BBC3: variants seen among roughly 807,000 people sequenced by gnomAD.
BBC3 encodes BCL2 binding component 3.
In BBC3, 5 loss-of-function variants were observed where a neutral mutation model predicts 18.2. The ratio of observed to expected loss-of-function variants is 0.27; its 90% confidence interval spans 0.14 to 0.58. BBC3 has a LOEUF of 0.58. Among genes scored for constraint, BBC3 ranks in the 20% least tolerant of loss-of-function variants. The pLI is 0.91. For missense variants in BBC3, 224 were observed against 268.9 expected (o/e 0.83, Z 1.17); for synonymous variants, 119 against 128.0 (o/e 0.93, Z 0.47).
At position 47,228,242 on chromosome 19, in the gene BBC3, C is replaced by A; in HGVS notation, c.190G>T (p.Ala64Ser). The A allele has an allele frequency of 1.5e-6, 1 of 663,966 alleles. No individual in the cohort carries two copies. Among genetic ancestry groups the A allele is most frequent in the African/African-American group, 3.1e-5 (1 of 32,432 alleles). 41.1% of individuals were successfully genotyped at this position (663,966 alleles called of 1,614,324 possible). A position where few individuals can be genotyped will look rare whatever the true frequency, so the allele number is the denominator to read the frequency against. Reference protein sequence around the residue: ...LPAAYLCAPTAPPAVTAALGG... With the variant: ...LPAAYLCAPTSPPAVTAALGG... ...AGGGCGGCGGTGACGGCGGGTGGGGCGGTGGGGGCGCAGAGGTAGGCAGCG... is the reference window on the plus strand; with the variant it reads ...AGGGCGGCGGTGACGGCGGGTGGGGAGGTGGGGGCGCAGAGGTAGGCAGCG... Residue 64 changes from alanine (A) to serine (S), a missense_variant, in exon 2 of 4, where the codon GCC becomes TCC. By Grantham distance (99) the Ala-to-Ser change is moderately conservative (BLOSUM62 1). Coordinates refer to ENST00000439096, the MANE Select transcript of BBC3 (RefSeq NM_014417.5). The surrounding 1 kb of genome is among the most constrained non-coding windows in gnomAD (Gnocchi z 5.5).
In BBC3 at chr19:47,221,550, C is replaced by G; in HGVS notation, c.*252G>C. The G allele has an allele frequency of 1.4e-6, 1 of 703,468 alleles. No homozygotes were observed. The allele number at this position is 703,468 out of a possible 1,614,324, so 43.6% of individuals were successfully genotyped here. On this transcript the variant is annotated 3_prime_UTR_variant, in exon 4 of 4. Transcript: ENST00000439096. ...CCACCCCCTCGGTCACCGCCACCTT[C>G]CGATGCTGAGTCCATCAGCCGTCCC...
chr19:47,226,247 T>A (rs1175618039), intron 3 of BBC3, among the ~76,000 whole-genome samples: 3 of 151,482 alleles, frequency 2.0e-5, no homozygotes, highest in Non-Finnish European at 4.4e-5. Context: ...CCGGGATATA[T>A]GAGCCGCGCC....
In BBC3 at chr19:47,229,819, T is replaced by TAC. The variant is rs920305755; in HGVS notation, c.-16+1108_-16+1109dup. Among the ~76,000 whole-genome samples the TAC allele has an allele frequency of 8.1e-5, 12 of 148,950 alleles. No individual in the cohort carries two copies. The East Asian group carries it at 1.6e-3, about 20-fold the overall frequency. ...AACAACCCCCCACCACACACATACA[T>TAC]ACACACACACACTCACACCTGACAA... On this transcript the variant is annotated intron_variant, in intron 1 of 3. Coordinates refer to ENST00000439096, the MANE Select transcript of BBC3 (RefSeq NM_014417.5).
chr19:47,225,741 A>G (rs2058807999), intron 3 of BBC3, among the ~76,000 whole-genome samples: 1 of 152,160 alleles, frequency 6.6e-6, no homozygotes, highest in Admixed American at 6.6e-5. Flanking sequence ...GGGGAGAAAC[A>G]AAAACTATGT....
At chr19:47,225,617 A>T (rs1278222010) in intron 3 of BBC3, among the ~76,000 whole-genome samples, 2 of 152,246 alleles carry the variant, frequency 1.3e-5, no homozygotes, top group South Asian at 4.1e-4. Context: ...TCCGCCTCCC[A>T]AAGTGCTGGG....
chr19:47,226,137 C>A (rs545226087), intron 3 of BBC3, among the ~76,000 whole-genome samples: 1 of 151,834 alleles, frequency 6.6e-6, no homozygotes, highest in Non-Finnish European at 1.5e-5. Flanking sequence ...GTCCCCGGCC[C>A]GCCCCGGCGC....
At chr19:47,231,236 G>GCC, upstream of BBC3, 5 of 945,358 alleles carry the variant, frequency 5.3e-6, no homozygotes, top group Non-Finnish European at 6.3e-6. This position sits in a 1 kb window ranked among gnomAD's most constrained non-coding sequence, Gnocchi z 4.0. Context: ...CTCCAAAGCC[G>GCC]CCCCGCCCCG....
At chr19:47,225,453 C>T (rs1443526396) in intron 3 of BBC3, among the ~76,000 whole-genome samples, 1 of 151,830 alleles carries the variant, frequency 6.6e-6, no homozygotes, top group Non-Finnish European at 1.5e-5. Flanking sequence ...ACTTCCTTGG[C>T]TCAAGGGACC....
At position 47,230,912 on chromosome 19, in the gene BBC3, G is replaced by T; in HGVS notation, c.-16+17C>A. ...GGCCGATCGCCGCCGGAGAGGATTC[G>T]GGGCGCGCACACTCACCCCGGGGGC... is the stretch of plus-strand genomic sequence containing the variant. On this transcript the variant is annotated intron_variant, in intron 1 of 3. Coordinates refer to ENST00000439096, the MANE Select transcript of BBC3 (RefSeq NM_014417.5). This position sits in a 1 kb window ranked among gnomAD's most constrained non-coding sequence, Gnocchi z 6.7. The T allele has an allele frequency of 1.0e-6, 1 of 983,392 alleles. No individual in the cohort carries two copies. Among genetic ancestry groups the T allele is most frequent in the South Asian group, 4.7e-5 (1 of 21,268 alleles). The allele number at this position is 983,392 out of a possible 1,614,324, so 60.9% of individuals were successfully genotyped here. A position where few individuals can be genotyped will look rare whatever the true frequency, so the allele number is the denominator to read the frequency against.
chr19:47,224,225 G>T (rs2058784844), intron 3 of BBC3, among the ~76,000 whole-genome samples: 1 of 151,750 alleles, frequency 6.6e-6, no homozygotes. Flanking sequence ...AACCCGGGAG[G>T]TGAAGGTTGC....
chr19:47,223,902 A>G (rs1019797610), intron 3 of BBC3, among the ~76,000 whole-genome samples: 2 of 152,200 alleles, frequency 1.3e-5, no homozygotes, highest in African/African-American at 4.8e-5. Flanking sequence ...AAAGCTAGCA[A>G]TCACCTAGTA....
intron 3 of BBC3, 198 bp from the exon 4 acceptor site, chr19:47,222,116 C>T (rs1279338698): frequency 1.9e-5 from 10 of 531,444 alleles, no homozygotes; most frequent in Non-Finnish European, 3.3e-5. Context: ...AGGACAAACA[C>T]GGAATGCCTT....
At chr19:47,224,929 G>C in intron 3 of BBC3, among the ~76,000 whole-genome samples, 1 of 134,838 alleles carries the variant, frequency 7.4e-6, no homozygotes, top group South Asian at 2.3e-4. Flanking sequence ...TTTTTTTTTT[G>C]AGACAGATTT....
chr19:47,227,533 G>T (rs1415990788), intron 2 of BBC3, among the ~76,000 whole-genome samples: 3 of 152,144 alleles, frequency 2.0e-5, no homozygotes, highest in Non-Finnish European at 4.4e-5. Flanking sequence ...CAAGATGGGG[G>T]ATGGGAAACC....
In BBC3 at chr19:47,221,785, C is replaced by T. The variant is rs758721081; in HGVS notation, c.*17G>A. 12 of 1,608,838 alleles carry T rather than the reference C, an allele frequency of 7.5e-6. No homozygotes were observed. The highest frequency in any genetic ancestry group is 6.7e-5 in the African/African-American group (5 of 74,580). On this transcript the variant is annotated 3_prime_UTR_variant, in exon 4 of 4. Transcript: ENST00000439096. ...TGCCCCCCGAGTCCCTGACGTCCAC[C>T]GGGCGGGTGCAGGCACCTAATTGGG...
Position 47,228,493 on chromosome 19 carries a change from CCCACT to C in BBC3, c.-15-52_-15-48del. 8.1e-7 allele frequency: 1 copy of C among 1,227,782 alleles called. No individual in the cohort carries two copies. The highest frequency in any genetic ancestry group is 1.6e-5 in the African/African-American group (1 of 64,328). The allele number at this position is 1,227,782 out of a possible 1,614,324, so 76.1% of individuals were successfully genotyped here. A position where few individuals can be genotyped will look rare whatever the true frequency, so the allele number is the denominator to read the frequency against. ...GCAGGTCAGCAGGGAAGTACCAGGG[CCCACT>C]GTACCTCCAGCCTACCCGGGGTTAG... is the stretch of plus-strand genomic sequence containing the variant. On this transcript the variant is annotated intron_variant, in intron 1 of 3. Coordinates refer to ENST00000439096, the MANE Select transcript of BBC3 (RefSeq NM_014417.5). The surrounding 1 kb of genome is among the most constrained non-coding windows in gnomAD (Gnocchi z 5.5).
Position 47,230,998 on chromosome 19 carries a change from C to G in BBC3, c.-85G>C. The stretch of plus-strand genomic sequence containing the variant: ...GCGGCTTCCTTCAGGAGGGCGCGCC[C>G]GCCGAGCGCCGCTCTCCGCGGCGGC... On this transcript the variant is annotated 5_prime_UTR_variant, in exon 1 of 4. Transcript: ENST00000439096. This position sits in a 1 kb window ranked among gnomAD's most constrained non-coding sequence, Gnocchi z 6.7. 1.0e-6 allele frequency: 1 copy of G among 986,144 alleles called. No homozygotes were observed. The allele number at this position is 986,144 out of a possible 1,614,324, so 61.1% of individuals were successfully genotyped here.
Position 47,221,643 on chromosome 19 carries a change from G to C in BBC3, c.*159C>G, listed in dbSNP as rs144766692. On this transcript the variant is annotated 3_prime_UTR_variant, in exon 4 of 4. Transcript: ENST00000439096. ...GTCAGTGCACCCCAGGCTGGGCTGG[G>C]GCTGGAGTGGCTGCCCCGGCCCGCC... is the stretch of plus-strand genomic sequence containing the variant. 6.2e-6 allele frequency: 9 copies of C among 1,454,042 alleles called. No homozygotes were observed. The highest frequency in any genetic ancestry group is 8.3e-6 in the Non-Finnish European group (9 of 1,084,010). 90.1% of individuals were successfully genotyped at this position (1,454,042 alleles called of 1,614,324 possible).
In BBC3 at chr19:47,227,311, G is replaced by GCCCCCCCCC. The variant is rs372905376; in HGVS notation, c.275-566_275-558dup. ...GCTGGGACGCGGGAGATGCCTTCCTGCCCCCCCCCCCCCCCCACTTCTGAG... is the reference window on the plus strand; with the variant it reads ...GCTGGGACGCGGGAGATGCCTTCCTGCCCCCCCCCCCCCCCCCCCCCCCCCACTTCTGAG... On this transcript the variant is annotated intron_variant, in intron 2 of 3. Transcript: ENST00000439096. 2 of 89,228 alleles carry GCCCCCCCCC rather than the reference G, an allele frequency of 2.2e-5. 1 individual carries two copies. Among genetic ancestry groups the GCCCCCCCCC allele is most frequent in the Non-Finnish European group, 4.4e-5 (2 of 45,764 alleles). The allele number at this position is 89,228 out of a possible 1,614,324, so 5.5% of individuals were successfully genotyped here.
Sources: allele counts gnomAD v4.1 joint callset (sites outside exome capture counted in the v4.1 genomes callset), GRCh38; gene constraint gnomAD v4.1.1; non-coding constraint Gnocchi (gnomAD v3.1); transcripts MANE v1.5; gene names NCBI Gene and HGNC (gene_info 2026-07-23, HGNC 2026-07-21).